The following PIGT variants were observed in gnomAD, a reference collection of about 807,000 sequenced individuals.
PIGT encodes GPI-anchor transamidase component PIGT.
Under a neutral mutation model 66.7 loss-of-function variants are expected in PIGT, and 57 were observed. The observed-to-expected ratio is 0.86, with a 90% CI of 0.69 to 1.07. The LOEUF is 1.07. PIGT is among the 50% of genes least tolerant of loss of function. PIGT has a pLI of 0.00. For synonymous variants in PIGT, 362 were observed against 320.5 expected, an observed-to-expected ratio of 1.13 and a Z score of -1.38; for missense variants, 725 against 740.4, an observed-to-expected ratio of 0.98 and a Z score of 0.24.
chr20:45,421,926 A>G (rs1023426334), intron 9 of PIGT: 21 of 186,598 alleles, frequency 1.1e-4, no homozygotes, highest in Non-Finnish European at 8.8e-5. Flanking sequence ...GGGTTTGGCA[A>G]CGTTAGGCTT....
chr20:45,425,141 CTCTTTCTTTCTTTCTTTCTTTCTTTCTT>C (rs1156589686), intron 11 of PIGT: 66 of 80,048 alleles, frequency 8.2e-4, no homozygotes, highest in Middle Eastern at 0.011. Flanking sequence ...TTCTTTCTTT[CTCTTTCTTTCTTTCTTTCTTTCTTTCTT>C]TCTTTCTTTC....
chr20:45,425,722 A>G lies in PIGT; in HGVS notation c.1633A>G (p.Asn545Asp). 6.2e-7 allele frequency: 1 copy of G among 1,614,044 alleles called. No individual in the cohort carries two copies. The highest frequency in any genetic ancestry group is 8.5e-7 in the Non-Finnish European group (1 of 1,179,972). Residue 545 changes from asparagine (N) to aspartate (D), a missense_variant, in exon 12 of 12, where the codon AAT becomes GAT. By Grantham distance (23) the Asn-to-Asp change is conservative (BLOSUM62 1). Coordinates refer to ENST00000279036, the MANE Select transcript of PIGT (RefSeq NM_015937.6). ...GGCCGTGTGCTATGGCTCCTTCTAC[A>G]ATCTCCTCACCCGAACCTTCCACAT... The part of the protein sequence containing the change: ...VVAVCYGSFY[N>D]LLTRTFHIEE...
intron 5 of PIGT, 185 bp downstream of exon 5, chr20:45,419,775 G>T: frequency 1.6e-6 from 1 of 615,234 alleles, no homozygotes; most frequent in Non-Finnish European, 2.9e-6. Context: ...ATAAATATTT[G>T]TCATGGAAAA....
intron 8 of PIGT, chr20:45,420,922 G>T: frequency 3.4e-6 from 2 of 585,000 alleles, no homozygotes; most frequent in Non-Finnish European, 6.1e-6. Flanking sequence ...AATTGGATGA[G>T]ATGATGTGAA....
At chr20:45,423,257 G>A (rs757821249) in intron 9 of PIGT, 41 of 151,534 alleles carry the variant, frequency 2.7e-4, no homozygotes, top group African/African-American at 8.5e-4. Flanking sequence ...GTAGAGATGC[G>A]GTTTCACTGT....
In PIGT at chr20:45,426,003, A is replaced by C; in HGVS notation, c.*177A>C. 1 of 670,324 alleles carries C rather than the reference A, an allele frequency of 1.5e-6. No homozygotes were observed. The highest frequency in any genetic ancestry group is 2.5e-6 in the Non-Finnish European group (1 of 402,136). The allele number at this position is 670,324 out of a possible 1,614,324, so 41.5% of individuals were successfully genotyped here. A position where few individuals can be genotyped will look rare whatever the true frequency, so the allele number is the denominator to read the frequency against. On this transcript the variant is annotated 3_prime_UTR_variant, in exon 12 of 12. Transcript: ENST00000279036. ...AGCCACGAGCCAAATGTGGCATTTG[A>C]ATTTGAATTAACTTAGAAATTCATT...
In PIGT at chr20:45,416,327, G is replaced by A. The variant is rs2741581; in HGVS notation, c.171G>A (p.Glu57=). The A allele has an allele frequency of 2.5e-6, 4 of 1,589,980 alleles. No individual in the cohort carries two copies. The highest frequency in any genetic ancestry group is 4.5e-5 in the East Asian group (2 of 44,160). The part of the protein sequence containing the change: ...TFQFRTRWDS[E]LQREGVSHYR... ...AGTTCCGCACGCGCTGGGATTCGGA[G>A]CTTCAGCGGGAAGGAGGTGAGGGCG... The change falls in exon 1 of 12, where the codon GAG becomes GAA. Residue 57 remains glutamate (E), a synonymous_variant. Transcript: ENST00000279036.
At position 45,420,687 on chromosome 20, in the gene PIGT, G is replaced by A. The variant is rs1211955268; in HGVS notation, c.1027G>A (p.Glu343Lys). 1 of 1,613,964 alleles carries A rather than the reference G, an allele frequency of 6.2e-7. No homozygotes were observed. Among genetic ancestry groups the A allele is most frequent in the East Asian group, 2.2e-5 (1 of 44,836 alleles). ...NIQLKWKRPP[E>K]NEAPPVPFLH... Reference sequence around the variant, plus strand: ...CCAGCTCAAGTGGAAGAGACCCCCAGAGAATGGTGAGTGGGTGGTTGGTTG... The same window carrying A: ...CCAGCTCAAGTGGAAGAGACCCCCAAAGAATGGTGAGTGGGTGGTTGGTTG... The change falls in exon 8 of 12, where the codon GAG (glutamate) becomes AAG (lysine). Residue 343 changes from glutamate (E) to lysine (K), a missense_variant. Around this residue, in one of 3 missense-constraint regions of PIGT, gnomAD observed 559 missense variants for 552.7 expected, o/e 1.01. Transcript: ENST00000279036.
chr20:45,421,492 C>T lies in PIGT; in HGVS notation c.1143C>T (p.Phe381=). Residue 381 remains phenylalanine, a synonymous_variant, in exon 9 of 12, where the codon TTC becomes TTT. Coordinates refer to ENST00000279036, the MANE Select transcript of PIGT (RefSeq NM_015937.6). ...ACAACACCCACCCATACCGGGCCTTCCCGGTGCTGCTGCTGGACACCGTAC... is the reference window on the plus strand; with the variant it reads ...ACAACACCCACCCATACCGGGCCTTTCCGGTGCTGCTGCTGGACACCGTAC... ...LLYNTHPYRA[F]PVLLLDTVPW... The T allele has an allele frequency of 6.2e-7, 1 of 1,614,184 alleles. No homozygotes were observed.
chr20:45,416,399 G>A (rs1989975776), intron 1 of PIGT, 56 bp downstream of exon 1: 1 of 1,548,782 alleles, frequency 6.5e-7, no homozygotes, highest in East Asian at 2.3e-5. Flanking sequence ...CTGGCTGGCC[G>A]GCCGTGGGAT....
chr20:45,419,915 A>G (rs1600810121), intron 5 of PIGT: 2 of 601,528 alleles, frequency 3.3e-6, no homozygotes, highest in African/African-American at 3.7e-5. Context: ...CATTGATAGT[A>G]GAATCCACTC....
intron 9 of PIGT, chr20:45,424,003 C>T: frequency 3.4e-6 from 2 of 583,460 alleles, no homozygotes; most frequent in Admixed American, 3.0e-5. Context: ...GCACTCCTAA[C>T]AACCTCTCTT....
rs1600812286 is a variant in PIGT at position 45,420,519 on chromosome 20, T to C, written c.868-9T>C. On this transcript the variant is annotated splice_polypyrimidine_tract_variant and intron_variant, in intron 7 of 11. Transcript: ENST00000279036. Reference sequence around the variant, plus strand: ...TGCTTGCTTCTTAGCCCTGCCTTTGTGTCCCCAGGACAACGAGACATTAGA... The same window carrying C: ...TGCTTGCTTCTTAGCCCTGCCTTTGCGTCCCCAGGACAACGAGACATTAGA... 9 of 1,613,814 alleles carry C rather than the reference T, an allele frequency of 5.6e-6. No homozygotes were observed. In the East Asian group the frequency reaches 2.0e-4, roughly 36 times the overall value.
At position 45,421,624 on chromosome 20, in the gene PIGT, C is replaced by G. The variant is rs773666314; in HGVS notation, c.1234+41C>G. 1.2e-5 allele frequency: 18 copies of G among 1,537,602 alleles called. 1 individual carries two copies. The highest frequency in any genetic ancestry group is 5.1e-5 in the Admixed American group (3 of 58,288). ...CTGAACCAGGCCCCCAGCCCGCCCT[C>G]TCATGTCCTCTCCAGGTCCCCCAAA... On this transcript the variant is annotated intron_variant, in intron 9 of 11. Transcript: ENST00000279036.
Position 45,425,714 on chromosome 20 carries a change from C to T in PIGT, c.1625C>T (p.Ser542Phe). The T allele has an allele frequency of 6.2e-7, 1 of 1,614,150 alleles. No homozygotes were observed. Among genetic ancestry groups the T allele is most frequent in the Non-Finnish European group, 8.5e-7 (1 of 1,179,996 alleles). ...TCTVVAVCYG[S>F]FYNLLTRTFH... ...ACTGTGGTGGCCGTGTGCTATGGCT[C>T]CTTCTACAATCTCCTCACCCGAACC... Residue 542 changes from serine to phenylalanine, a missense_variant, in exon 12 of 12, where the codon TCC becomes TTC. Physicochemically the swap from Ser to Phe is radical, Grantham distance 155. Transcript: ENST00000279036.
In PIGT at chr20:45,420,566, T is replaced by C. The variant is rs1300555226; in HGVS notation, c.906T>C (p.Thr302=). 8.7e-6 allele frequency: 14 copies of C among 1,613,578 alleles called. No homozygotes were observed. Among genetic ancestry groups the C allele is most frequent in the Non-Finnish European group, 1.1e-5 (13 of 1,179,978 alleles). ...TAGAGGTGCACCCACCCCCGACCAC[T>C]ACATATCAGGACGTCATCCTAGGCA... is the stretch of plus-strand genomic sequence containing the variant. The part of the protein sequence containing the change: ...ETLEVHPPPT[T]TYQDVILGTR... Residue 302 remains threonine (T), a synonymous_variant, in exon 8 of 12, where the codon ACT becomes ACC. Transcript: ENST00000279036.
chr20:45,418,609 C>T lies in PIGT; in HGVS notation c.366-243C>T, dbSNP rs1029385130. 16 of 471,816 alleles carry T rather than the reference C, an allele frequency of 3.4e-5. 1 individual carries two copies. Among genetic ancestry groups the T allele is most frequent in the East Asian group, 8.6e-5 (2 of 23,332 alleles). The allele number at this position is 471,816 out of a possible 1,614,324, so 29.2% of individuals were successfully genotyped here. ...AGGCTTGCAAGGAAGGAAGAATCACCTGAGCAGAGACCCATGGGGATGCAG... is the reference window on the plus strand; with the variant it reads ...AGGCTTGCAAGGAAGGAAGAATCACTTGAGCAGAGACCCATGGGGATGCAG... On this transcript the variant is annotated intron_variant, in intron 2 of 11. Transcript: ENST00000279036.
In PIGT at chr20:45,419,508, G is replaced by T. The variant is rs1305654403; in HGVS notation, c.599G>T (p.Gly200Val). 3.1e-6 allele frequency: 5 copies of T among 1,614,188 alleles called. No homozygotes were observed. Among genetic ancestry groups the T allele is most frequent in the African/African-American group, 1.3e-5 (1 of 75,054 alleles). The change falls in exon 5 of 12, where the codon GGC (glycine) becomes GTC (valine). Residue 200 changes from glycine (G) to valine (V), a missense_variant. Around this residue, in one of 3 missense-constraint regions of PIGT, gnomAD observed 559 missense variants for 552.7 expected, o/e 1.01. Coordinates refer to ENST00000279036, the MANE Select transcript of PIGT (RefSeq NM_015937.6). ...ATCTCTTTCCATCTCCTCCAGGCAGGCCTCTCTGTGCTGCTGAAGGCAGAT... is the reference window on the plus strand; with the variant it reads ...ATCTCTTTCCATCTCCTCCAGGCAGTCCTCTCTGTGCTGCTGAAGGCAGAT... ...KKLLPCSSKA[G>V]LSVLLKADRL...
At chr20:45,416,918 T>A in intron 2 of PIGT, 1 of 417,988 alleles carries the variant, frequency 2.4e-6, no homozygotes, top group Non-Finnish European at 4.2e-6. Flanking sequence ...GAGAGGCAAA[T>A]AGCAAACAAT....
Sources: gnomAD v4.1 joint callset for allele counts on GRCh38, gnomAD v4.1.1 for gene constraint, gnomAD v4.1.1 regional missense constraint, MANE v1.5 for transcripts, NCBI Gene and HGNC (gene_info 2026-07-23, HGNC 2026-07-21) for gene names.